Variants in NOC3L observed in about 807,000 individuals in gnomAD.
The protein encoded by NOC3L is nucleolar complex protein 3 homolog.
In NOC3L, 85 loss-of-function variants were observed where a neutral mutation model predicts 102.5. The ratio of observed to expected loss-of-function variants is 0.83; its 90% CI spans 0.70 to 0.99. NOC3L has a LOEUF of 0.99. NOC3L is among the 50% of genes least tolerant of loss of function. NOC3L has a pLI of 0.00. For synonymous variants in NOC3L, 303 were observed against 309.4 expected (o/e 0.98, Z 0.22); for missense variants, 878 against 914.9 (o/e 0.96, Z 0.52).
At chr10:94,323,538 T>C in the NOC3L span, among the ~76,000 whole-genome samples, 1 of 152,264 alleles carries the variant, frequency 6.6e-6, no homozygotes, top group Non-Finnish European at 1.5e-5. Flanking sequence ...AAACACTACA[T>C]GGTAAGTCAC....
chr10:94,360,181 T>G (rs2054536273), intron 2 of NOC3L, among the ~76,000 whole-genome samples: 1 of 152,082 alleles, frequency 6.6e-6, no homozygotes, highest in Non-Finnish European at 1.5e-5. Flanking sequence ...CCAGATGTGG[T>G]GGTGTGCGCC....
At chr10:94,329,777 A>AG, downstream of NOC3L, 1 of 30,996 alleles carries the variant, frequency 3.2e-5, no homozygotes, top group Admixed American at 3.2e-4. Flanking sequence ...ACTCCGTCTC[A>AG]AAAAAAAAAA....
rs746248712 is a variant in NOC3L at position 94,358,232 on chromosome 10, C to T, written c.218-17G>A. 12 of 1,235,472 alleles carry T rather than the reference C, an allele frequency of 9.7e-6. No homozygotes were observed. The highest frequency in any genetic ancestry group is 1.3e-5 in the Non-Finnish European group (11 of 851,296). 76.5% of individuals were successfully genotyped at this position (1,235,472 alleles called of 1,614,324 possible). ...TCCTTTTACCTGTACCACACACACACACACACAAAGAAAAATTAGAAACAA... is the reference window on the plus strand; with the variant it reads ...TCCTTTTACCTGTACCACACACACATACACACAAAGAAAAATTAGAAACAA... On this transcript the variant is annotated splice_polypyrimidine_tract_variant and intron_variant, in intron 2 of 20. Coordinates refer to ENST00000371361, the MANE Select transcript of NOC3L (RefSeq NM_022451.11).
the NOC3L span, chr10:94,322,165 C>T: frequency 9.4e-7 from 1 of 1,062,606 alleles, no homozygotes; most frequent in South Asian, 1.3e-5. Context: ...TCCTCAACAA[C>T]AGGGACCTCA....
Position 94,333,236 on chromosome 10 carries a change from A to G in NOC3L, c.*941T>C, listed in dbSNP as rs776412562. The G allele has an allele frequency of 3.0e-5, 4 of 132,276 alleles. No homozygotes were observed. The highest frequency in any genetic ancestry group is 7.7e-5 in the Admixed American group (1 of 13,062). The allele number at this position is 132,276 out of a possible 1,614,324, so 8.2% of individuals were successfully genotyped here. A position where few individuals can be genotyped will look rare whatever the true frequency, so the allele number is the denominator to read the frequency against. ...ATCATATCACAAGAATAGGAAGCAG[A>G]AAAAAACAGCTGTTTTATTCAACTA... On this transcript the variant is annotated 3_prime_UTR_variant, in exon 21 of 21. Coordinates refer to ENST00000371361, the MANE Select transcript of NOC3L (RefSeq NM_022451.11).
At chr10:94,350,790 G>A (rs529660061) in intron 8 of NOC3L, among the ~76,000 whole-genome samples, 95 of 151,476 alleles carry the variant, frequency 6.3e-4, no homozygotes, top group African/African-American at 2.3e-3. Flanking sequence ...GGTCCAATAT[G>A]GAGGCTACTA....
At chr10:94,322,423 G>A in the NOC3L span, among the ~76,000 whole-genome samples, 50 of 152,112 alleles carry the variant, frequency 3.3e-4, no homozygotes, top group African/African-American at 1.2e-3. Context: ...GGCTGAGGGG[G>A]GCAGATCACT....
intron 5 of NOC3L, 47 bp downstream of exon 5, chr10:94,356,488 C>CA (rs1452482600): frequency 8.4e-7 from 1 of 1,191,864 alleles, no homozygotes; most frequent in East Asian, 2.3e-5. Flanking sequence ...TACTATTATG[C>CA]AAAAAAATTC....
At chr10:94,315,567 G>C in the NOC3L span, 1 of 451,750 alleles carries the variant, frequency 2.2e-6, no homozygotes. Context: ...TCAGGAATTT[G>C]AGACCAGCCT....
intron 3 of NOC3L, chr10:94,357,810 A>G: frequency 2.5e-6 from 1 of 399,498 alleles, no homozygotes; most frequent in Non-Finnish European, 4.5e-6. Context: ...GTAGGAACTC[A>G]GAACTGTTCT....
the NOC3L span, chr10:94,324,847 C>G: frequency 6.4e-7 from 1 of 1,573,706 alleles, no homozygotes; most frequent in Non-Finnish European, 8.7e-7. Context: ...GACAGAGGAA[C>G]CTGAGTTTAA....
At position 94,346,527 on chromosome 10, in the gene NOC3L, G is replaced by A; in HGVS notation, c.1287C>T (p.Ile429=). Reference sequence around the variant, plus strand: ...TATCTTTTTTCACTTCTACTTCCTTGATTCTTAGGCATAAAAATGTTTTTA... The same window carrying A: ...TATCTTTTTTCACTTCTACTTCCTTAATTCTTAGGCATAAAAATGTTTTTA... ...EMLKTFLCLR[I]KEVEVKKDTE... is the part of the protein sequence containing the mutation. Residue 429 remains isoleucine, a synonymous_variant, in exon 11 of 21, where the codon ATC becomes ATT. Transcript: ENST00000371361. The A allele has an allele frequency of 2.8e-6, 4 of 1,420,406 alleles. No homozygotes were observed. Among genetic ancestry groups the A allele is most frequent in the South Asian group, 1.4e-5 (1 of 71,082 alleles). The allele number at this position is 1,420,406 out of a possible 1,614,324, so 88.0% of individuals were successfully genotyped here.
chr10:94,344,584 A>G, intron 12 of NOC3L, 69 bp from the exon 13 acceptor site: 1 of 1,095,174 alleles, frequency 9.1e-7, no homozygotes, highest in Non-Finnish European at 1.4e-6. Flanking sequence ...GAGCATAAGT[A>G]TCACTTCAAC....
chr10:94,357,404 A>G, intron 3 of NOC3L, 73 bp from the exon 4 acceptor site: 1 of 1,331,504 alleles, frequency 7.5e-7, no homozygotes, highest in Non-Finnish European at 9.8e-7. Flanking sequence ...ATCATTTCAA[A>G]AGTACAGAAA....
intron 8 of NOC3L, among the ~76,000 whole-genome samples, chr10:94,351,315 A>G (rs1314844345): frequency 6.6e-6 from 1 of 151,032 alleles, no homozygotes; most frequent in Non-Finnish European, 1.5e-5. Context: ...AGCTGACAGC[A>G]ATGGGTGATC....
rs1281477035 is a variant in NOC3L, at chr10:94,362,919, T to C, written c.-81A>G. The C allele has an allele frequency of 1.2e-6, 2 of 1,608,950 alleles. No individual in the cohort carries two copies. Among genetic ancestry groups the C allele is most frequent in the African/African-American group, 1.3e-5 (1 of 74,798 alleles). On this transcript the variant is annotated 5_prime_UTR_variant, in exon 1 of 21. Transcript: ENST00000371361. ...CAGAAATCCCGGGGAATGACACACG[T>C]GCCGAAGTCCCTACACTACCAGAGC...
At chr10:94,334,520 C>G (rs1400867767) in intron 20 of NOC3L, 114 bp downstream of exon 20, 2 of 763,424 alleles carry the variant, frequency 2.6e-6, no homozygotes, top group Non-Finnish European at 4.2e-6. Context: ...ATGATGAAAT[C>G]CTAAACATTA....
chr10:94,339,838 C>T lies in NOC3L; in HGVS notation c.1863G>A (p.Gln621=), dbSNP rs893528427. ...GGCGTTTGATGAAGGCAAGAGCTCG[C>T]TGCTGAGAAACTTGCTTTCTGCGCT... is the stretch of plus-strand genomic sequence containing the variant. The part of the protein sequence containing the change: ...LTKRRKQVSQ[Q]RALAFIKRLC... The change falls in exon 17 of 21, where the codon CAG becomes CAA. Residue 621 remains glutamine, a synonymous_variant. Transcript: ENST00000371361. The T allele has an allele frequency of 1.2e-6, 2 of 1,614,048 alleles. No individual in the cohort carries two copies. Among genetic ancestry groups the T allele is most frequent in the African/African-American group, 2.7e-5 (2 of 74,936 alleles).
chr10:94,340,247 T>C (rs1196510059), intron 16 of NOC3L, 29 bp downstream of exon 16: 3 of 1,543,448 alleles, frequency 1.9e-6, no homozygotes, highest in Non-Finnish European at 1.8e-6. Context: ...TAAATACATA[T>C]AAAAGAAACA....
Sources: allele counts gnomAD v4.1 joint callset (sites outside exome capture counted in the v4.1 genomes callset), GRCh38; gene constraint gnomAD v4.1.1; transcripts MANE v1.5; gene names NCBI Gene and HGNC (gene_info 2026-07-23, HGNC 2026-07-21).